Variants in TENM3 observed in about 807,000 individuals in gnomAD.
TENM3 encodes the protein teneurin transmembrane protein 3.
A neutral mutation model predicts 255.1 loss-of-function variants in TENM3; 63 were observed. The ratio of observed to expected loss-of-function variants is 0.25; its 90% confidence interval spans 0.20 to 0.30. The LOEUF (loss-of-function observed/expected upper bound fraction) is 0.30. Among genes scored for constraint, TENM3 ranks in the 10% least tolerant of loss-of-function variants. The pLI is 1.00. For missense variants in TENM3, 2,929 were observed against 3,461.1 expected (o/e 0.85, Z 3.86); for synonymous variants, 1,306 against 1,322.3 (o/e 0.99, Z 0.27).
At chr4:181,738,593 T>A in the TENM3 span, among the ~76,000 whole-genome samples, 2 of 152,132 alleles carry the variant, frequency 1.3e-5, no homozygotes, top group Admixed American at 6.6e-5. Flanking sequence ...TGTAGTGTTT[T>A]GATTGTTCGT....
At chr4:182,086,385 T>A in the TENM3 span, among the ~76,000 whole-genome samples, 1 of 152,154 alleles carries the variant, frequency 6.6e-6, no homozygotes, top group Non-Finnish European at 1.5e-5. Flanking sequence ...AAGCTCTTCA[T>A]AATAAAAAGA....
chr4:182,353,234 A>G (rs1457179833), intron 3 of TENM3, among the ~76,000 whole-genome samples: 1 of 152,220 alleles, frequency 6.6e-6, no homozygotes, highest in Non-Finnish European at 1.5e-5. Flanking sequence ...ATTGAAAGAC[A>G]TAAAATGGAA....
At chr4:181,583,011 CA>C in the TENM3 span, among the ~76,000 whole-genome samples, 1 of 152,222 alleles carries the variant, frequency 6.6e-6, no homozygotes, top group Non-Finnish European at 1.5e-5. Flanking sequence ...CCTACCCACA[CA>C]CATGTGCATG....
At chr4:182,775,698 T>A (rs749876982) in intron 24 of TENM3, among the ~76,000 whole-genome samples, 3 of 152,190 alleles carry the variant, frequency 2.0e-5, no homozygotes, top group Non-Finnish European at 2.9e-5. Flanking sequence ...TGTTCTCAGA[T>A]GCAGGACTTC....
At chr4:182,432,076 CAA>C (rs1179857938) in intron 3 of TENM3, among the ~76,000 whole-genome samples, 2 of 74,438 alleles carry the variant, frequency 2.7e-5, no homozygotes, top group Admixed American at 1.5e-4. Flanking sequence ...GAGAAAGTCT[CAA>C]AAAAAAAAAA....
Position 182,730,965 on chromosome 4 carries a change from T to G in TENM3, c.2793T>G (p.Ile931Met). Residue 931 changes from isoleucine (I) to methionine (M), a missense_variant, in exon 16 of 28, where the codon ATT (isoleucine) becomes ATG (methionine). Ile to Met is a conservative substitution (Grantham distance 10). Coordinates refer to ENST00000511685, the MANE Select transcript of TENM3 (RefSeq NM_001080477.4). ...TCACTCAGTATCATACTGTGTGGAT[T>G]CCATGGAATGTCTTTTATGTGATGG... ...PFLTQYHTVW[I>M]PWNVFYVMDT... 6.2e-7 allele frequency: 1 copy of G among 1,613,900 alleles called. No individual in the cohort carries two copies. Among genetic ancestry groups the G allele is most frequent in the Non-Finnish European group, 8.5e-7 (1 of 1,179,846 alleles).
At chr4:181,632,814 C>T in the TENM3 span, among the ~76,000 whole-genome samples, 15,425 of 152,158 alleles carry the variant, frequency 0.1, 988 homozygotes, top group Middle Eastern at 0.21. Context: ...AAGAATATGA[C>T]GGCATGAGCC....
chr4:181,557,274 G>C, the TENM3 span, among the ~76,000 whole-genome samples: 1 of 152,156 alleles, frequency 6.6e-6, no homozygotes, highest in Non-Finnish European at 1.5e-5. Flanking sequence ...GGGTCACAAT[G>C]TCAGTATTTA....
chr4:181,759,987 C>G, the TENM3 span, among the ~76,000 whole-genome samples: 5 of 152,056 alleles, frequency 3.3e-5, no homozygotes, highest in African/African-American at 1.2e-4. Flanking sequence ...AGGTCTGGCT[C>G]TAGGGCCTAT....
the TENM3 span, among the ~76,000 whole-genome samples, chr4:181,622,134 C>A: frequency 9.9e-5 from 15 of 152,238 alleles, no homozygotes; most frequent in African/African-American, 3.6e-4. Context: ...ATAGTGATTT[C>A]TCTGTATTAG....
At chr4:181,519,975 T>G in the TENM3 span, among the ~76,000 whole-genome samples, 1 of 152,214 alleles carries the variant, frequency 6.6e-6, no homozygotes, top group Non-Finnish European at 1.5e-5. Flanking sequence ...TCAGAATTTC[T>G]TTCTTATTTC....
chr4:182,188,302 A>G (rs1391953597), intron 1 of TENM3, among the ~76,000 whole-genome samples: 1 of 152,124 alleles, frequency 6.6e-6, no homozygotes, highest in Non-Finnish European at 1.5e-5. Context: ...CTCAGTTTCC[A>G]TATCTGTAGA....
At chr4:181,554,063 A>G in the TENM3 span, among the ~76,000 whole-genome samples, 4 of 152,012 alleles carry the variant, frequency 2.6e-5, no homozygotes, top group Non-Finnish European at 5.9e-5. Flanking sequence ...ACCTAACCTA[A>G]TGATTCTGTG....
At chr4:182,520,405 G>A (rs986807970) in intron 3 of TENM3, among the ~76,000 whole-genome samples, 4 of 152,190 alleles carry the variant, frequency 2.6e-5, no homozygotes, top group African/African-American at 4.8e-5. Context: ...GTCTAGACAA[G>A]CCCATAGATG....
At chr4:182,771,215 A>T (rs1764179346) in intron 22 of TENM3, among the ~76,000 whole-genome samples, 1 of 152,194 alleles carries the variant, frequency 6.6e-6, no homozygotes, top group Admixed American at 6.5e-5. Context: ...TCTACAGGAG[A>T]AAGGTGAAGT....
intron 1 of TENM3, among the ~76,000 whole-genome samples, chr4:182,184,181 C>T (rs989629759): frequency 6.6e-6 from 1 of 152,144 alleles, no homozygotes; most frequent in Non-Finnish European, 1.5e-5. Context: ...GATTTTTAAG[C>T]AGGCTGTACT....
the TENM3 span, among the ~76,000 whole-genome samples, chr4:181,491,902 T>G: frequency 2.6e-5 from 4 of 152,176 alleles, no homozygotes; most frequent in Admixed American, 2.0e-4. Flanking sequence ...CTTAACTTAT[T>G]ATAAAAAGCT....
chr4:182,388,407 C>T (rs1163865973), intron 3 of TENM3, among the ~76,000 whole-genome samples: 1 of 152,158 alleles, frequency 6.6e-6, no homozygotes, highest in East Asian at 1.9e-4. Flanking sequence ...ACAGTTTCTA[C>T]GCACTAAGCT....
chr4:181,839,673 C>T, the TENM3 span, among the ~76,000 whole-genome samples: 1 of 150,810 alleles, frequency 6.6e-6, no homozygotes, highest in South Asian at 2.1e-4. Flanking sequence ...TTTGGGGGTG[C>T]TTTTTCACTA....
Sources: allele counts gnomAD v4.1 joint callset (sites outside exome capture counted in the v4.1 genomes callset), GRCh38; gene constraint gnomAD v4.1.1; transcripts MANE v1.5; gene names NCBI Gene and HGNC (gene_info 2026-07-23, HGNC 2026-07-21).